MPPED2: variants seen among roughly 807,000 people sequenced by gnomAD.
MPPED2 encodes the protein metallophosphoesterase MPPED2.
Under a neutral mutation model 33.0 loss-of-function variants are expected in MPPED2, and 5 were observed. The observed-to-expected ratio is 0.15, with a 90% CI of 0.08 to 0.32. The LOEUF (loss-of-function observed/expected upper bound fraction) is 0.32, where lower values mean the gene tolerates loss of function less well. Among genes scored for constraint, MPPED2 ranks in the 10% least tolerant of loss-of-function variants. The pLI is 1.00. For synonymous variants in MPPED2, 136 were observed against 141.9 expected (o/e 0.96, Z 0.29); for missense variants, 275 against 372.1 (o/e 0.74, Z 2.15).
chr11:30,478,896 A>C (rs1951345819), intron 4 of MPPED2, among the ~76,000 whole-genome samples: 1 of 151,662 alleles, frequency 6.6e-6, no homozygotes, highest in African/African-American at 2.4e-5. Context: ...TGCTGTTCAC[A>C]ATATGAGCAG....
chr11:30,440,204 C>T (rs1048175047), intron 4 of MPPED2, among the ~76,000 whole-genome samples: 2 of 152,092 alleles, frequency 1.3e-5, no homozygotes, highest in African/African-American at 4.8e-5. Flanking sequence ...GTGGCAGATG[C>T]CTGTAATCCC....
At chr11:30,573,220 G>A (rs1303271583) in intron 2 of MPPED2, among the ~76,000 whole-genome samples, 3 of 152,060 alleles carry the variant, frequency 2.0e-5, no homozygotes, top group African/African-American at 4.8e-5. Context: ...AATGACATTA[G>A]CTGTCATAAT....
chr11:30,541,111 G>C lies in MPPED2; in HGVS notation c.129-4936C>G, dbSNP rs113527788. ...GCAGATTTTTCTAGAGAAGGCCTGA[G>C]CTATCATCTTAAACCATTTTCCAAT... is the stretch of plus-strand genomic sequence containing the variant. On this transcript the variant is annotated intron_variant, in intron 2 of 6. Transcript: ENST00000358117. 1.9e-3 allele frequency among the ~76,000 whole-genome samples: 292 copies of C among 152,290 alleles called. 2 individuals carry two copies. The highest frequency in any genetic ancestry group is 6.6e-3 in the African/African-American group (275 of 41,568).
At chr11:30,435,956 G>T (rs1179760197) in intron 4 of MPPED2, among the ~76,000 whole-genome samples, 2 of 151,936 alleles carry the variant, frequency 1.3e-5, no homozygotes, top group Non-Finnish European at 2.9e-5. Flanking sequence ...CAAGAGACCT[G>T]GGTTTGCAAC....
At chr11:30,457,718 G>A (rs1455834011) in intron 4 of MPPED2, among the ~76,000 whole-genome samples, 2 of 152,142 alleles carry the variant, frequency 1.3e-5, no homozygotes, top group African/African-American at 2.4e-5. Flanking sequence ...AACATAGTTC[G>A]GAGTGCAAAG....
chr11:30,454,446 G>A (rs1784779217), intron 4 of MPPED2, among the ~76,000 whole-genome samples: 1 of 151,500 alleles, frequency 6.6e-6, no homozygotes, highest in Admixed American at 6.6e-5. Flanking sequence ...GTGTGGGGGT[G>A]GAAATAAAAG....
intron 4 of MPPED2, 180 bp downstream of exon 4, chr11:30,495,116 T>C (rs1952193840): frequency 1.7e-6 from 1 of 605,102 alleles, no homozygotes; most frequent in Non-Finnish European, 2.9e-6. Flanking sequence ...GGGATCTCTA[T>C]CACAATGAAA....
At chr11:30,431,655 C>G (rs1211678515) in intron 4 of MPPED2, among the ~76,000 whole-genome samples, 1 of 152,170 alleles carries the variant, frequency 6.6e-6, no homozygotes, top group East Asian at 1.9e-4. Context: ...TGGGTCATTA[C>G]TTTCACTTTC....
intron 2 of MPPED2, among the ~76,000 whole-genome samples, chr11:30,577,047 G>A (rs1956961793): frequency 1.3e-5 from 2 of 152,160 alleles, no homozygotes; most frequent in African/African-American, 4.8e-5. Context: ...TGAAGATGGG[G>A]ACTGGGTCTT....
intron 4 of MPPED2, among the ~76,000 whole-genome samples, chr11:30,464,979 G>A (rs905456691): frequency 2.6e-5 from 4 of 152,116 alleles, no homozygotes; most frequent in African/African-American, 9.7e-5. Context: ...TAGCTATATA[G>A]TTTTAGGCAT....
chr11:30,505,752 G>A (rs1952795022), intron 3 of MPPED2, among the ~76,000 whole-genome samples: 1 of 152,182 alleles, frequency 6.6e-6, no homozygotes, highest in Admixed American at 6.5e-5. Flanking sequence ...GATCAGTTGT[G>A]TGCATGTTTA....
intron 2 of MPPED2, among the ~76,000 whole-genome samples, chr11:30,557,095 T>C (rs1348791711): frequency 6.6e-6 from 1 of 151,736 alleles, no homozygotes. Context: ...AATGCATTTA[T>C]GAGATTATCA....
At chr11:30,547,177 G>C (rs1955467802) in intron 2 of MPPED2, among the ~76,000 whole-genome samples, 1 of 152,200 alleles carries the variant, frequency 6.6e-6, no homozygotes, top group South Asian at 2.1e-4. Flanking sequence ...TGCAATTCCA[G>C]TGTTAAGCAA....
chr11:30,401,644 T>G (rs2133709184), intron 6 of MPPED2, among the ~76,000 whole-genome samples: 1 of 152,300 alleles, frequency 6.6e-6, no homozygotes, highest in Non-Finnish European at 1.5e-5. Flanking sequence ...CAATTGTAAT[T>G]TTTCAAAATT....
chr11:30,514,130 T>C (rs1051757152), intron 3 of MPPED2, among the ~76,000 whole-genome samples: 2 of 152,200 alleles, frequency 1.3e-5, no homozygotes, highest in Non-Finnish European at 2.9e-5. Flanking sequence ...CTGGGAAGCC[T>C]GTGCTCCAGA....
chr11:30,525,710 A>G (rs1433367980), intron 3 of MPPED2, among the ~76,000 whole-genome samples: 1 of 152,208 alleles, frequency 6.6e-6, no homozygotes, highest in East Asian at 1.9e-4. Flanking sequence ...TCAGTAAGAC[A>G]GAGATAATAC....
chr11:30,514,402 CT>C (rs1953404883), intron 3 of MPPED2, among the ~76,000 whole-genome samples: 3 of 152,148 alleles, frequency 2.0e-5, no homozygotes, highest in African/African-American at 7.2e-5. Flanking sequence ...ATTCTCAAAC[CT>C]TTGGGACAAA....
intron 2 of MPPED2, among the ~76,000 whole-genome samples, chr11:30,552,108 G>A (rs1405844214): frequency 6.6e-6 from 1 of 152,170 alleles, no homozygotes; most frequent in Non-Finnish European, 1.5e-5. Flanking sequence ...CACTTCATAA[G>A]TCAATTCCAT....
chr11:30,493,452 G>C (rs1274282533), intron 4 of MPPED2, among the ~76,000 whole-genome samples: 1 of 151,776 alleles, frequency 6.6e-6, no homozygotes, highest in Non-Finnish European at 1.5e-5. Context: ...TGACCAATCT[G>C]AATTCAGTCT....
Sources: allele counts gnomAD v4.1 joint callset (sites outside exome capture counted in the v4.1 genomes callset), GRCh38; gene constraint gnomAD v4.1.1; transcripts MANE v1.5; gene names NCBI Gene and HGNC (gene_info 2026-07-23, HGNC 2026-07-21).